CYP2C19: variants seen among roughly 807,000 people sequenced by gnomAD.
The protein encoded by CYP2C19 is cytochrome P450 family 2 subfamily C member 19, also known as cytochrome P450 2C19.
A neutral mutation model predicts 40.9 loss-of-function variants in CYP2C19; 59 were observed. The observed-to-expected ratio is 1.44, with a 90% confidence interval of 1.17 to 1.79. The LOEUF is 1.79. Among genes scored for constraint, CYP2C19 ranks in the 40% most tolerant of loss-of-function variants. CYP2C19 has a pLI of 0.00. For synonymous variants in CYP2C19, 253 were observed against 208.7 expected (o/e 1.21, Z -1.83); for missense variants, 754 against 596.9 (o/e 1.26, Z -2.74).
intron 8 of CYP2C19, 132 bp downstream of exon 8, chr10:94,850,190 C>T: frequency 1.9e-6 from 2 of 1,063,464 alleles, no homozygotes; most frequent in South Asian, 2.8e-5. Context: ...GTTCTGAATG[C>T]CTGTGTTTTC....
At chr10:94,829,984 G>C (rs951097817) in intron 6 of CYP2C19, among the ~76,000 whole-genome samples, 2 of 152,220 alleles carry the variant, frequency 1.3e-5, no homozygotes, top group African/African-American at 4.8e-5. Flanking sequence ...AGGGGTCAGG[G>C]ACCCACTTGA....
rs111887178 is a variant in CYP2C19 at position 94,763,872 on chromosome 10, A to G, written c.168+999A>G. Among the ~76,000 whole-genome samples the G allele has an allele frequency of 5.6e-3, 855 of 152,176 alleles. 13 individuals carry two copies. The highest frequency in any genetic ancestry group is 0.019 in the African/African-American group (784 of 41,546). On this transcript the variant is annotated intron_variant, in intron 1 of 8. Coordinates refer to ENST00000371321, the MANE Select transcript of CYP2C19 (RefSeq NM_000769.4). ...GGTGAGTGCTACAGTTCTTAAAGAT[A>G]TTGTGCCAGAGTTTGTTCCTTCAGA...
At chr10:94,815,793 T>A (rs1461239024) in intron 5 of CYP2C19, among the ~76,000 whole-genome samples, 1 of 152,224 alleles carries the variant, frequency 6.6e-6, no homozygotes, top group Non-Finnish European at 1.5e-5. Context: ...TTATTCTAGG[T>A]TTTACTGTCA....
At chr10:94,789,752 TA>T (rs1287679068) in intron 5 of CYP2C19, among the ~76,000 whole-genome samples, 3 of 152,166 alleles carry the variant, frequency 2.0e-5, no homozygotes, top group South Asian at 2.1e-4. Context: ...TTCGGCCTTG[TA>T]ATATAGTTTG....
chr10:94,794,522 T>G (rs1425686197), intron 5 of CYP2C19, among the ~76,000 whole-genome samples: 3 of 152,230 alleles, frequency 2.0e-5, no homozygotes, highest in Non-Finnish European at 4.4e-5. Context: ...TATTTATTAT[T>G]CCTATCCAAG....
intron 5 of CYP2C19, among the ~76,000 whole-genome samples, chr10:94,818,726 T>C (rs1276614224): frequency 6.7e-6 from 1 of 149,438 alleles, no homozygotes; most frequent in Non-Finnish European, 1.5e-5. Context: ...CTTGTGATTT[T>C]TGTACATTGA....
chr10:94,809,132 T>G lies in CYP2C19; in HGVS notation c.820-11364T>G, dbSNP rs189025979. On this transcript the variant is annotated intron_variant, in intron 5 of 8. Transcript: ENST00000371321. Reference sequence around the variant, plus strand: ...TCTCTTGGATATAAGCCACTTTAACTGGGGTGAGATGATATCTTATTACAG... The same window carrying G: ...TCTCTTGGATATAAGCCACTTTAACGGGGGTGAGATGATATCTTATTACAG... 1.6e-3 allele frequency among the ~76,000 whole-genome samples: 238 copies of G among 152,314 alleles called. 1 individual carries two copies. The highest frequency in any genetic ancestry group is 2.7e-3 in the Non-Finnish European group (187 of 68,020).
chr10:94,789,766 G>A (rs534716698), intron 5 of CYP2C19, among the ~76,000 whole-genome samples: 25 of 152,124 alleles, frequency 1.6e-4, no homozygotes, highest in Non-Finnish European at 3.2e-4. Context: ...ATAGTTTGAA[G>A]TCAGGTAGCA....
chr10:94,767,051 G>A (rs1023321255), intron 1 of CYP2C19, among the ~76,000 whole-genome samples: 3 of 152,100 alleles, frequency 2.0e-5, no homozygotes, highest in African/African-American at 7.2e-5. Flanking sequence ...TGACCAAGTT[G>A]GCCGTTTCCT....
At chr10:94,771,108 C>G (rs1395856168) in intron 1 of CYP2C19, among the ~76,000 whole-genome samples, 2 of 152,112 alleles carry the variant, frequency 1.3e-5, no homozygotes, top group African/African-American at 4.8e-5. Context: ...CTGGAAACTT[C>G]CCCAGGTCTG....
At chr10:94,797,162 T>C (rs1355212466) in intron 5 of CYP2C19, among the ~76,000 whole-genome samples, 1 of 152,042 alleles carries the variant, frequency 6.6e-6, no homozygotes, top group African/African-American at 2.4e-5. Context: ...TTTAGATACG[T>C]CCCATCAATA....
intron 1 of CYP2C19, among the ~76,000 whole-genome samples, chr10:94,769,133 C>A (rs946033959): frequency 6.6e-6 from 1 of 152,152 alleles, no homozygotes; most frequent in African/African-American, 2.4e-5. Context: ...GATATTTGAC[C>A]TGCTGTAGGC....
At chr10:94,838,598 T>G (rs185800628) in intron 6 of CYP2C19, among the ~76,000 whole-genome samples, 213 of 152,230 alleles carry the variant, frequency 1.4e-3, no homozygotes, top group Non-Finnish European at 2.5e-3. Context: ...ATATTGGCAC[T>G]CTTTGGTTCA....
In CYP2C19 at chr10:94,770,847, G is replaced by A. The variant is rs538425694; in HGVS notation, c.169-4211G>A. ...GACTACAGTCCCCATGATCTGAGTC[G>A]AGGTCCCAGTGGGGATCCATACTGG... On this transcript the variant is annotated intron_variant, in intron 1 of 8. Transcript: ENST00000371321. Among the ~76,000 whole-genome samples, 15 of 148,924 alleles carry A rather than the reference G, an allele frequency of 1.0e-4. No individual in the cohort carries two copies. The South Asian group carries it at 1.3e-3, about 13-fold the overall frequency.
intron 8 of CYP2C19, among the ~76,000 whole-genome samples, chr10:94,850,628 T>C (rs1164119395): frequency 1.3e-5 from 2 of 152,188 alleles, no homozygotes; most frequent in Admixed American, 6.6e-5. Context: ...CTTCTTGTTA[T>C]CTTATAACCC....
intron 7 of CYP2C19, among the ~76,000 whole-genome samples, chr10:94,844,342 A>G (rs1328024207): frequency 1.3e-5 from 2 of 152,214 alleles, no homozygotes; most frequent in Non-Finnish European, 2.9e-5. Flanking sequence ...ACATGTTGTC[A>G]TGATTCAGAA....
rs1849357182 is a variant in CYP2C19, at chr10:94,833,207, A to G, written c.962-9630A>G. 2.0e-5 allele frequency among the ~76,000 whole-genome samples: 3 copies of G among 152,182 alleles called. No homozygotes were observed. The South Asian group carries it at 6.2e-4, about 32-fold the overall frequency. On this transcript the variant is annotated intron_variant, in intron 6 of 8. Coordinates refer to ENST00000371321, the MANE Select transcript of CYP2C19 (RefSeq NM_000769.4). ...TATAAGGTTATATCATCTGCACACA[A>G]GGATATTTTGACTTATTCCTTTCTA...
At chr10:94,770,502 C>G (rs1263296303) in intron 1 of CYP2C19, among the ~76,000 whole-genome samples, 1 of 152,080 alleles carries the variant, frequency 6.6e-6, no homozygotes, top group Non-Finnish European at 1.5e-5. Context: ...GCCTGTTCCT[C>G]TTGGTACCTA....
intron 5 of CYP2C19, among the ~76,000 whole-genome samples, chr10:94,818,398 T>C (rs1381911568): frequency 6.6e-6 from 1 of 152,084 alleles, no homozygotes; most frequent in Non-Finnish European, 1.5e-5. Flanking sequence ...CATATGAACT[T>C]TAAAGTAGTT....
Sources: allele counts gnomAD v4.1 joint callset (sites outside exome capture counted in the v4.1 genomes callset), GRCh38; gene constraint gnomAD v4.1.1; transcripts MANE v1.5; gene names NCBI Gene and HGNC (gene_info 2026-07-23, HGNC 2026-07-21).